GPATCH1: variants seen among roughly 807,000 people sequenced by gnomAD.
GPATCH1 encodes G-patch domain containing 1, also known as G patch domain-containing protein 1.
In GPATCH1, 73 loss-of-function variants were observed where a neutral mutation model predicts 114.9. The observed-to-expected ratio is 0.64, with a 90% CI of 0.53 to 0.77. The LOEUF (loss-of-function observed/expected upper bound fraction) is 0.77, where lower values mean the gene tolerates loss of function less well. Among genes scored for constraint, GPATCH1 ranks in the 30% least tolerant of loss-of-function variants. The pLI, the probability that GPATCH1 is intolerant of heterozygous loss-of-function variation, is 0.00. For missense variants in GPATCH1, 1,058 were observed against 1,144.3 expected, an observed-to-expected ratio of 0.92 and a Z score of 1.09; for synonymous variants, 391 against 428.4, an observed-to-expected ratio of 0.91 and a Z score of 1.08.
chr19:33,119,515 T>C (rs1972953109), intron 17 of GPATCH1, among the ~76,000 whole-genome samples: 1 of 151,626 alleles, frequency 6.6e-6, no homozygotes, highest in South Asian at 2.1e-4. Context: ...CTGGCCAACA[T>C]AGTGAAACCC....
rs1218216495 is a variant in GPATCH1, at chr19:33,109,893, A to C, written c.1462A>C (p.Asn488His). ...AGCGGCTGCTGGGCACTGCTCTTGG[A>C]ACATGGCATTAGGTGGTGGGACGGC... is the stretch of plus-strand genomic sequence containing the variant. The part of the protein sequence containing the change: ...PAAAAGHCSW[N>H]MALGGGTATL... The change falls in exon 11 of 20, where the codon AAC (asparagine) becomes CAC (histidine). Residue 488 changes from asparagine to histidine, a missense_variant. Asn to His is a moderately conservative substitution (Grantham distance 68). Coordinates refer to ENST00000170564, the MANE Select transcript of GPATCH1 (RefSeq NM_018025.3). The C allele has an allele frequency of 6.2e-7, 1 of 1,614,078 alleles. No homozygotes were observed. Among genetic ancestry groups the C allele is most frequent in the African/African-American group, 1.3e-5 (1 of 74,950 alleles).
chr19:33,097,983 G>T, intron 8 of GPATCH1, 81 bp downstream of exon 8: 7 of 1,268,890 alleles, frequency 5.5e-6, no homozygotes, highest in Middle Eastern at 2.6e-4. Context: ...CGATACAGGA[G>T]CACCAGCCTC....
intron 15 of GPATCH1, among the ~76,000 whole-genome samples, chr19:33,115,225 ATTTTTTTTTTTTTTTT>A (rs71176196): frequency 2.1e-4 from 12 of 56,864 alleles, no homozygotes; most frequent in Admixed American, 1.6e-3. Context: ...TGCCTGGCTA[ATTTTTTTTTTTTTTTT>A]TTTTTTTTTT....
intron 19 of GPATCH1, among the ~76,000 whole-genome samples, chr19:33,129,534 G>T (rs762556474): frequency 3.3e-5 from 5 of 152,136 alleles, no homozygotes; most frequent in African/African-American, 7.2e-5. Flanking sequence ...ATTAAAAATT[G>T]CTTGTATTCT....
chr19:33,110,652 T>TAA (rs72105907), intron 11 of GPATCH1, among the ~76,000 whole-genome samples: 53 of 145,726 alleles, frequency 3.6e-4, no homozygotes, highest in African/African-American at 9.2e-4. Context: ...TTATTTGCTT[T>TAA]AAAAAAAAAA....
rs76504258 is a variant in GPATCH1 at position 33,127,521 on chromosome 19, A to T, written c.2765+788A>T. 2.1e-4 allele frequency among the ~76,000 whole-genome samples: 14 copies of T among 66,434 alleles called. No individual in the cohort carries two copies. The East Asian group carries it at 2.5e-3, about 12-fold the overall frequency. 43.6% of individuals were successfully genotyped at this position (66,434 alleles called of 152,430 possible). On this transcript the variant is annotated intron_variant, in intron 19 of 19. Transcript: ENST00000170564. ...ACAGAGCGAGACTCTTGTCTCAATA[A>T]AAAAAAAAAAAAAAAGAAAAGAAAA...
chr19:33,114,521 C>T (rs1226546928), intron 15 of GPATCH1, 102 bp downstream of exon 15: 1 of 908,914 alleles, frequency 1.1e-6, no homozygotes, highest in African/African-American at 1.7e-5. Context: ...AGGCAGCCAA[C>T]TATTGATCCA....
intron 9 of GPATCH1, among the ~76,000 whole-genome samples, chr19:33,104,752 C>T (rs889588166): frequency 3.3e-5 from 5 of 152,164 alleles, no homozygotes; most frequent in Admixed American, 3.3e-4. Context: ...GTGCTTTCAG[C>T]CACAGGGTTA....
chr19:33,096,714 T>C (rs568912688), intron 7 of GPATCH1, among the ~76,000 whole-genome samples: 1 of 151,260 alleles, frequency 6.6e-6, no homozygotes, highest in East Asian at 2.0e-4. Flanking sequence ...CTGCAACCTC[T>C]GTCTCCTGGG....
At chr19:33,114,874 C>T (rs1358729512) in intron 15 of GPATCH1, among the ~76,000 whole-genome samples, 22 of 136,686 alleles carry the variant, frequency 1.6e-4, no homozygotes, top group Admixed American at 5.2e-4. Context: ...ATGATTTCGG[C>T]TCACTGCAAG....
At chr19:33,106,415 C>T (rs1972785319) in intron 9 of GPATCH1, among the ~76,000 whole-genome samples, 1 of 152,136 alleles carries the variant, frequency 6.6e-6, no homozygotes, top group African/African-American at 2.4e-5. Flanking sequence ...CTTTATAGTT[C>T]TTATCCTATA....
chr19:33,120,799 C>G (rs989944402), intron 17 of GPATCH1, among the ~76,000 whole-genome samples: 3 of 151,726 alleles, frequency 2.0e-5, no homozygotes, highest in Non-Finnish European at 4.4e-5. Flanking sequence ...ACCATCCTGG[C>G]TAACACGGTG....
At chr19:33,121,096 C>T (rs1336638664) in intron 17 of GPATCH1, among the ~76,000 whole-genome samples, 1 of 151,012 alleles carries the variant, frequency 6.6e-6, no homozygotes, top group Non-Finnish European at 1.5e-5. Context: ...GTATTTAAGA[C>T]TAATATATTT....
chr19:33,120,275 T>TATATATAAAATTATATAAA (rs1555721445), intron 17 of GPATCH1, among the ~76,000 whole-genome samples: 2 of 140,508 alleles, frequency 1.4e-5, no homozygotes, highest in Admixed American at 7.3e-5. Flanking sequence ...ATATAACAAT[T>TATATATAAAATTATATAAA]ATATATAAAA....
At position 33,097,805 on chromosome 19, in the gene GPATCH1, A is replaced by G; in HGVS notation, c.903A>G (p.Thr301=). 1 of 1,613,912 alleles carries G rather than the reference A, an allele frequency of 6.2e-7. No individual in the cohort carries two copies. Reference sequence around the variant, plus strand: ...AGGAAGATGATGATATCTATGCCACAGAAACTCTATCCAAGTATGACACTG... The same window carrying G: ...AGGAAGATGATGATATCTATGCCACGGAAACTCTATCCAAGTATGACACTG... ...LEEEDDDIYA[T]ETLSKYDTVL... is the part of the protein sequence containing the mutation. Residue 301 remains threonine (T), a synonymous_variant, in exon 8 of 20, where the codon ACA becomes ACG. Transcript: ENST00000170564.
At chr19:33,107,648 T>C (rs1972800333) in intron 10 of GPATCH1, among the ~76,000 whole-genome samples, 1 of 152,064 alleles carries the variant, frequency 6.6e-6, no homozygotes, top group Non-Finnish European at 1.5e-5. Context: ...ACTTGGACTC[T>C]TAGGGGCTCG....
At position 33,090,830 on chromosome 19, in the gene GPATCH1, T is replaced by A. The variant is rs1300729255; in HGVS notation, c.259T>A (p.Ser87Thr). 3.1e-6 allele frequency: 5 copies of A among 1,613,284 alleles called. No homozygotes were observed. The African/African-American group carries it at 6.7e-5, about 22-fold the overall frequency. ...TTCACGACAGAACAGAGCAGACAAATCTGTTCTTGGTCCTGAAGATTTTAT... is the reference window on the plus strand; with the variant it reads ...TTCACGACAGAACAGAGCAGACAAAACTGTTCTTGGTCCTGAAGATTTTAT... ...VSSRQNRADK[S>T]VLGPEDFMDE... Residue 87 changes from serine to threonine, a missense_variant, in exon 3 of 20, where the codon TCT (serine) becomes ACT (threonine). Transcript: ENST00000170564.
chr19:33,115,225 AT>A (rs71176196), intron 15 of GPATCH1, among the ~76,000 whole-genome samples: 2,195 of 56,704 alleles, frequency 0.039, 24 homozygotes, highest in Admixed American at 0.063. Flanking sequence ...TGCCTGGCTA[AT>A]TTTTTTTTTT....
At position 33,088,014 on chromosome 19, in the gene GPATCH1, A is replaced by G; in HGVS notation, c.74-120A>G. The G allele has an allele frequency of 7.1e-6, 4 of 561,252 alleles. No individual in the cohort carries two copies. In the South Asian group the frequency reaches 1.2e-4, roughly 16 times the overall value. 34.8% of individuals were successfully genotyped at this position (561,252 alleles called of 1,614,324 possible). A position where few individuals can be genotyped will look rare whatever the true frequency, so the allele number is the denominator to read the frequency against. ...TCTAGGAATAACAATTTAAATGATT[A>G]TATTTGAATTATAAGAAGTAAACAA... On this transcript the variant is annotated intron_variant, in intron 1 of 19. Transcript: ENST00000170564.
Sources: gnomAD v4.1 joint callset for allele counts (sites outside exome capture counted in the v4.1 genomes callset) on GRCh38, gnomAD v4.1.1 for gene constraint, MANE v1.5 for transcripts, NCBI Gene and HGNC (gene_info 2026-07-23, HGNC 2026-07-21) for gene names.